MACROD2: variants seen among roughly 807,000 people sequenced by gnomAD.
The protein encoded by MACROD2 is ADP-ribose glycohydrolase MACROD2.
MACROD2 carries 36 observed loss-of-function variants against 70.4 expected under a neutral mutation model. The ratio of observed to expected loss-of-function variants is 0.51; its 90% CI spans 0.39 to 0.68. The LOEUF (loss-of-function observed/expected upper bound fraction) is 0.68. Ranked by LOEUF, MACROD2 falls within the 30% of genes least tolerant of loss-of-function variation. The pLI is 0.00. For synonymous variants in MACROD2, 172 were observed against 178.8 expected (o/e 0.96, Z 0.30); for missense variants, 496 against 538.4 (o/e 0.92, Z 0.78).
intron 6 of MACROD2, among the ~76,000 whole-genome samples, chr20:15,391,460 C>T (rs1175660392): frequency 6.6e-6 from 1 of 152,146 alleles, no homozygotes; most frequent in Admixed American, 6.5e-5. Flanking sequence ...AGAACATAGA[C>T]CAGGTCTCCA....
At chr20:14,971,349 A>T (rs1318038276) in intron 5 of MACROD2, among the ~76,000 whole-genome samples, 1 of 151,844 alleles carries the variant, frequency 6.6e-6, no homozygotes, top group Non-Finnish European at 1.5e-5. Flanking sequence ...AAATCCATGG[A>T]TATGGAGGGC....
chr20:14,820,249 GGCCAAAGA>G (rs2072825879), intron 5 of MACROD2, among the ~76,000 whole-genome samples: 4 of 151,868 alleles, frequency 2.6e-5, no homozygotes, highest in African/African-American at 9.7e-5. Flanking sequence ...TCTATCTGCC[GGCCAAAGA>G]TCTGGAGGAA....
chr20:14,757,943 C>T (rs774371481), intron 5 of MACROD2: 34 of 1,012,372 alleles, frequency 3.4e-5, no homozygotes, highest in East Asian at 7.1e-5. Flanking sequence ...TACCTACAGA[C>T]GGAGTGCTGT....
At chr20:15,225,462 C>A (rs1449567022) in intron 5 of MACROD2, among the ~76,000 whole-genome samples, 1 of 152,088 alleles carries the variant, frequency 6.6e-6, no homozygotes, top group Non-Finnish European at 1.5e-5. Flanking sequence ...TCCCCATATT[C>A]CCTCCCCCAT....
At chr20:15,653,195 G>A (rs973118859) in intron 8 of MACROD2, among the ~76,000 whole-genome samples, 4 of 152,142 alleles carry the variant, frequency 2.6e-5, no homozygotes, top group Non-Finnish European at 4.4e-5. Flanking sequence ...AGTTAGACAT[G>A]TCCAAAACAG....
intron 15 of MACROD2, among the ~76,000 whole-genome samples, chr20:16,024,940 T>TTTTG (rs139692960): frequency 0.03 from 4,508 of 152,202 alleles, 188 homozygotes; most frequent in East Asian, 0.22. Context: ...GGTCTAGGCT[T>TTTTG]TTTGTTTGTT....
intron 3 of MACROD2, among the ~76,000 whole-genome samples, chr20:14,262,729 A>G (rs2082111001): frequency 1.3e-5 from 2 of 152,182 alleles, no homozygotes; most frequent in Non-Finnish European, 2.9e-5. Context: ...TTTAATAAGA[A>G]GGCCTGCTCA....
intron 3 of MACROD2, among the ~76,000 whole-genome samples, chr20:14,479,861 T>A (rs1256355116): frequency 6.6e-6 from 1 of 152,176 alleles, no homozygotes; most frequent in Non-Finnish European, 1.5e-5. Flanking sequence ...ACTTTATAGA[T>A]TTATTTACTA....
intron 5 of MACROD2, among the ~76,000 whole-genome samples, chr20:14,704,150 C>A (rs2071240059): frequency 6.6e-6 from 1 of 152,144 alleles, no homozygotes; most frequent in Admixed American, 6.5e-5. Flanking sequence ...CAGCATTAAT[C>A]TACCCAAGTT....
chr20:15,550,585 G>A lies in MACROD2; in HGVS notation c.645+50738G>A, dbSNP rs117931727. On this transcript the variant is annotated intron_variant, in intron 8 of 17. Coordinates refer to ENST00000684519, the MANE Select transcript of MACROD2 (RefSeq NM_001351661.2). The stretch of plus-strand genomic sequence containing the variant: ...ATTTTTTCATTTTAATAGTTTATGA[G>A]CAATCAAGAAGTGACACTCTGACAC... Among the ~76,000 whole-genome samples the A allele has an allele frequency of 2.6e-3, 390 of 152,134 alleles. 8 individuals are homozygous for A. The East Asian group carries it at 0.049, about 19-fold the overall frequency.
At chr20:15,683,799 C>G (rs1274844693) in intron 8 of MACROD2, among the ~76,000 whole-genome samples, 1 of 152,088 alleles carries the variant, frequency 6.6e-6, no homozygotes, top group Non-Finnish European at 1.5e-5. Flanking sequence ...ATGCTGGTCT[C>G]GAACTCCTGA....
intron 5 of MACROD2, among the ~76,000 whole-genome samples, chr20:14,707,906 ATAGT>A (rs768802286): frequency 6.6e-6 from 1 of 152,200 alleles, no homozygotes; most frequent in Non-Finnish European, 1.5e-5. Context: ...CATATTTATA[ATAGT>A]TAGAGCTTTC....
chr20:15,289,196 T>G (rs1461866993), intron 6 of MACROD2, among the ~76,000 whole-genome samples: 2 of 152,186 alleles, frequency 1.3e-5, no homozygotes, highest in Non-Finnish European at 2.9e-5. Context: ...AGCAGTCAAG[T>G]AGCATGGATC....
chr20:15,059,243 G>A (rs1434851659), intron 5 of MACROD2, among the ~76,000 whole-genome samples: 1 of 152,014 alleles, frequency 6.6e-6, no homozygotes, highest in East Asian at 1.9e-4. Context: ...AAATTAGCTG[G>A]GTGTGGTGGC....
Position 15,581,187 on chromosome 20 carries a change from C to T in MACROD2, c.645+81340C>T, listed in dbSNP as rs747916671. On this transcript the variant is annotated intron_variant, in intron 8 of 17. Coordinates refer to ENST00000684519, the MANE Select transcript of MACROD2 (RefSeq NM_001351661.2). ...AGACCTTGAGGCTTCTTTTTCAGTT[C>T]GGAAGGTGGAAACACCATATTATAA... Among the ~76,000 whole-genome samples, 18 of 152,228 alleles carry T rather than the reference C, an allele frequency of 1.2e-4. 1 individual carries two copies. The highest frequency in any genetic ancestry group is 3.4e-3 in the Middle Eastern group (1 of 294).
At chr20:15,211,797 C>T (rs145752760) in intron 5 of MACROD2, among the ~76,000 whole-genome samples, 11 of 152,268 alleles carry the variant, frequency 7.2e-5, no homozygotes, top group Admixed American at 5.9e-4. Flanking sequence ...TCCTTTATAG[C>T]AATGCAGATG....
chr20:15,307,711 A>T (rs1600224530), intron 6 of MACROD2, among the ~76,000 whole-genome samples: 1 of 152,238 alleles, frequency 6.6e-6, no homozygotes, highest in East Asian at 1.9e-4. Flanking sequence ...AAATTTTGCC[A>T]GTTGTCCTAC....
In MACROD2 at chr20:14,462,628, G is replaced by A. The variant is rs1175579557; in HGVS notation, c.272-30851G>A. ...CTTGCCCATGCCTATGTCCTGAATG[G>A]TATTGCCTAGCTTTTCTTCTAGGGT... On this transcript the variant is annotated intron_variant, in intron 3 of 17. Coordinates refer to ENST00000684519, the MANE Select transcript of MACROD2 (RefSeq NM_001351661.2). Among the ~76,000 whole-genome samples, 5 of 152,002 alleles carry A rather than the reference G, an allele frequency of 3.3e-5. No individual in the cohort carries two copies. In the South Asian group the frequency reaches 1.0e-3, roughly 32 times the overall value.
intron 8 of MACROD2, among the ~76,000 whole-genome samples, chr20:15,616,059 G>T (rs2049032991): frequency 6.6e-6 from 1 of 151,322 alleles, no homozygotes. Context: ...TACACCCCTG[G>T]TGGGTGGAGT....
Sources: gnomAD v4.1 joint callset for allele counts (sites outside exome capture counted in the v4.1 genomes callset) on GRCh38, gnomAD v4.1.1 for gene constraint, MANE v1.5 for transcripts, NCBI Gene and HGNC (gene_info 2026-07-23, HGNC 2026-07-21) for gene names.